Variants in RANBP17 observed in about 807,000 individuals in gnomAD.
The protein encoded by RANBP17 is ran-binding protein 17.
Under a neutral mutation model 141.2 loss-of-function variants are expected in RANBP17, and 158 were observed. The ratio of observed to expected loss-of-function variants is 1.12; its 90% CI spans 0.98 to 1.28. The LOEUF is 1.28. Ranked by LOEUF, RANBP17 falls within the 50% of genes most tolerant of loss-of-function variation. The probability of loss-of-function intolerance (pLI) is 0.00; values close to 1 mark genes in which losing one functional copy is unlikely to be tolerated. For synonymous variants in RANBP17, 430 were observed against 450.0 expected, an observed-to-expected ratio of 0.96 and a Z score of 0.56; for missense variants, 1,438 against 1,290.7, an observed-to-expected ratio of 1.11 and a Z score of -1.75.
At chr5:170,969,429 A>C (rs1490309107) in intron 14 of RANBP17, among the ~76,000 whole-genome samples, 2 of 151,920 alleles carry the variant, frequency 1.3e-5, no homozygotes, top group African/African-American at 4.8e-5. Flanking sequence ...CAATAATTAC[A>C]TACTATAAAA....
intron 14 of RANBP17, among the ~76,000 whole-genome samples, chr5:171,058,367 T>A: frequency 7.2e-6 from 1 of 138,950 alleles, no homozygotes; most frequent in East Asian, 2.3e-4. Context: ...TGTGTCCATG[T>A]GTTCTCATTG....
chr5:171,126,492 A>G (rs1756480808), intron 14 of RANBP17, among the ~76,000 whole-genome samples: 1 of 152,218 alleles, frequency 6.6e-6, no homozygotes, highest in South Asian at 2.1e-4. Flanking sequence ...TAAACATAAT[A>G]GAAACTAAAA....
At chr5:171,257,171 A>G (rs1274628499) in intron 24 of RANBP17, among the ~76,000 whole-genome samples, 1 of 152,234 alleles carries the variant, frequency 6.6e-6, no homozygotes, top group African/African-American at 2.4e-5. Context: ...AACAAATGCT[A>G]GCAAATCAAA....
At chr5:170,998,715 A>G (rs1427556165) in intron 14 of RANBP17, among the ~76,000 whole-genome samples, 1 of 152,128 alleles carries the variant, frequency 6.6e-6, no homozygotes, top group African/African-American at 2.4e-5. Context: ...CTGTTGAGAA[A>G]TCAAATCGTC....
chr5:171,148,313 T>C (rs1758214493), intron 14 of RANBP17, among the ~76,000 whole-genome samples: 1 of 152,126 alleles, frequency 6.6e-6, no homozygotes, highest in Non-Finnish European at 1.5e-5. Flanking sequence ...GTTTGTCTGC[T>C]GACCTTCCCT....
intron 13 of RANBP17, among the ~76,000 whole-genome samples, chr5:170,965,216 A>G (rs1450028905): frequency 1.4e-5 from 2 of 147,678 alleles, no homozygotes; most frequent in African/African-American, 5.0e-5. Context: ...GTATCTGTTC[A>G]TGTCTTTTGC....
intron 5 of RANBP17, chr5:170,903,701 A>G (rs1770848695): frequency 3.2e-6 from 1 of 309,240 alleles, no homozygotes; most frequent in Non-Finnish European, 6.7e-6. Context: ...GACAGTCTTT[A>G]TTTGACATCA....
intron 14 of RANBP17, among the ~76,000 whole-genome samples, chr5:171,009,319 T>C (rs1262379757): frequency 6.6e-6 from 1 of 152,178 alleles, no homozygotes; most frequent in Non-Finnish European, 1.5e-5. Flanking sequence ...CAAACAAGAT[T>C]GGTGTTCTCT....
At chr5:171,177,160 T>C (rs535982802) in intron 16 of RANBP17, among the ~76,000 whole-genome samples, 42 of 152,312 alleles carry the variant, frequency 2.8e-4, no homozygotes, top group African/African-American at 9.6e-4. Context: ...ATTTATTTCA[T>C]TGTTTTCTGT....
At chr5:171,075,036 T>C (rs906058069) in intron 14 of RANBP17, among the ~76,000 whole-genome samples, 1 of 152,038 alleles carries the variant, frequency 6.6e-6, no homozygotes, top group Non-Finnish European at 1.5e-5. Flanking sequence ...CTGCAAAATT[T>C]TTTTTTGTGA....
At chr5:171,265,503 C>T (rs903589447) in intron 24 of RANBP17, among the ~76,000 whole-genome samples, 178 bp from the exon 25 acceptor site, 1 of 152,302 alleles carries the variant, frequency 6.6e-6, no homozygotes, top group Non-Finnish European at 1.5e-5. Flanking sequence ...GCACTCTAGC[C>T]TGGGTGACAA....
chr5:171,282,958 C>T (rs1288212246), intron 25 of RANBP17, among the ~76,000 whole-genome samples: 1 of 152,160 alleles, frequency 6.6e-6, no homozygotes, highest in South Asian at 2.1e-4. Context: ...TAATCACCCT[C>T]ATCTGCCACC....
rs144526958 is a variant in RANBP17, at chr5:171,087,448, G to A, written c.1711-82682G>A. On this transcript the variant is annotated intron_variant, in intron 14 of 27. Coordinates refer to ENST00000523189, the MANE Select transcript of RANBP17 (RefSeq NM_022897.5). ...AAAAAAATGTATATTCTGTTGATTT[G>A]GGGTGGAGAGTAGTGTAGATGTCTA... 2.4e-3 allele frequency among the ~76,000 whole-genome samples: 366 copies of A among 152,316 alleles called. 3 individuals are homozygous for A. The highest frequency in any genetic ancestry group is 4.6e-3 in the Non-Finnish European group (315 of 68,034).
At chr5:170,902,505 T>C (rs1436046420) in intron 5 of RANBP17, among the ~76,000 whole-genome samples, 1 of 152,240 alleles carries the variant, frequency 6.6e-6, no homozygotes, top group Non-Finnish European at 1.5e-5. Context: ...ACCCACCTTC[T>C]GAAGCCTCCT....
intron 14 of RANBP17, among the ~76,000 whole-genome samples, chr5:171,151,443 TAAG>T (rs1441074778): frequency 3.9e-5 from 6 of 152,284 alleles, no homozygotes; most frequent in African/African-American, 1.2e-4. Flanking sequence ...TCAGGGAAAA[TAAG>T]AAGCAATTCC....
intron 16 of RANBP17, among the ~76,000 whole-genome samples, chr5:171,178,688 T>C (rs1436622124): frequency 6.6e-6 from 1 of 152,176 alleles, no homozygotes; most frequent in African/African-American, 2.4e-5. Context: ...ATCTGTTGTT[T>C]CCTGACTTTT....
At chr5:171,215,079 G>T (rs760442295) in intron 21 of RANBP17, among the ~76,000 whole-genome samples, 1 of 136,490 alleles carries the variant, frequency 7.3e-6, no homozygotes, top group Non-Finnish European at 1.6e-5. Context: ...AACAGGCCCC[G>T]GTGTGTGATG....
At chr5:170,912,759 T>TC (rs1182563116) in intron 7 of RANBP17, among the ~76,000 whole-genome samples, 2 of 151,682 alleles carry the variant, frequency 1.3e-5, no homozygotes, top group East Asian at 3.9e-4. Context: ...GGTTAGGAGT[T>TC]CTAGAAAGAG....
chr5:171,139,147 C>T (rs1757522008), intron 14 of RANBP17, among the ~76,000 whole-genome samples: 1 of 151,886 alleles, frequency 6.6e-6, no homozygotes, highest in African/African-American at 2.4e-5. Flanking sequence ...TAACAATTTA[C>T]AAGTAAAATT....
Sources: gnomAD v4.1 joint callset for allele counts (sites outside exome capture counted in the v4.1 genomes callset) on GRCh38, gnomAD v4.1.1 for gene constraint, MANE v1.5 for transcripts, NCBI Gene and HGNC (gene_info 2026-07-23, HGNC 2026-07-21) for gene names.